The following CDKAL1 variants were observed in gnomAD, a reference collection of about 807,000 sequenced individuals.
CDKAL1 encodes the protein CDKAL1 threonylcarbamoyladenosine tRNA methylthiotransferase, also known as threonylcarbamoyladenosine tRNA methylthiotransferase.
CDKAL1 carries 32 observed loss-of-function variants against 68.2 expected under a neutral mutation model. That is an observed-to-expected ratio of 0.47 (90% confidence interval 0.35 to 0.63). CDKAL1 has a LOEUF of 0.63. Ranked by LOEUF, CDKAL1 falls within the 30% of genes least tolerant of loss-of-function variation. CDKAL1 has a pLI of 0.00. For synonymous variants in CDKAL1, 234 were observed against 244.3 expected, an observed-to-expected ratio of 0.96 and a Z score of 0.39; for missense variants, 606 against 696.7, an observed-to-expected ratio of 0.87 and a Z score of 1.47.
At chr6:20,550,108 A>G (rs1763760248) in intron 4 of CDKAL1, among the ~76,000 whole-genome samples, 1 of 151,886 alleles carries the variant, frequency 6.6e-6, no homozygotes, top group Non-Finnish European at 1.5e-5. Context: ...CCTCCCAAGT[A>G]GCTGGGATTA....
intron 4 of CDKAL1, among the ~76,000 whole-genome samples, chr6:20,573,772 T>C (rs573036911): frequency 6.6e-6 from 1 of 152,272 alleles, no homozygotes; most frequent in East Asian, 1.9e-4. Context: ...TTTGGAAGCA[T>C]TGTACAGAGA....
intron 7 of CDKAL1, among the ~76,000 whole-genome samples, chr6:20,772,083 C>T (rs929484591): frequency 6.6e-6 from 1 of 152,166 alleles, no homozygotes; most frequent in African/African-American, 2.4e-5. Context: ...TTTCCAGCAG[C>T]TTGAGTGCTG....
chr6:20,686,783 G>A (rs1770647914), intron 5 of CDKAL1, among the ~76,000 whole-genome samples: 1 of 152,122 alleles, frequency 6.6e-6, no homozygotes, highest in African/African-American at 2.4e-5. Flanking sequence ...TAGTGGGAAA[G>A]CTTCGAGTTT....
intron 15 of CDKAL1, among the ~76,000 whole-genome samples, chr6:21,228,547 A>G (rs1296860415): frequency 2.0e-5 from 3 of 152,244 alleles, no homozygotes; most frequent in African/African-American, 4.8e-5. Flanking sequence ...TGATCACCAG[A>G]GACATAGATG....
chr6:20,847,301 G>A (rs1778410326), intron 9 of CDKAL1, among the ~76,000 whole-genome samples: 1 of 152,068 alleles, frequency 6.6e-6, no homozygotes, highest in African/African-American at 2.4e-5. Context: ...AAGCCTGGGT[G>A]GTTGTCTTTA....
At chr6:20,941,916 A>G (rs1763990428) in intron 9 of CDKAL1, among the ~76,000 whole-genome samples, 1 of 152,216 alleles carries the variant, frequency 6.6e-6, no homozygotes, top group Non-Finnish European at 1.5e-5. Flanking sequence ...AGTTATTTCA[A>G]AATGACATTC....
chr6:20,660,401 A>G (rs1769231649), intron 5 of CDKAL1, among the ~76,000 whole-genome samples: 1 of 152,224 alleles, frequency 6.6e-6, no homozygotes, highest in Non-Finnish European at 1.5e-5. Context: ...AACGGTTGTA[A>G]GAATGTTCTC....
intron 2 of CDKAL1, among the ~76,000 whole-genome samples, chr6:20,535,995 G>C (rs564536859): frequency 4.9e-4 from 74 of 152,204 alleles, no homozygotes; most frequent in African/African-American, 1.7e-3. Flanking sequence ...GCAGTGGCTC[G>C]ATTACGGCTC....
intron 4 of CDKAL1, among the ~76,000 whole-genome samples, chr6:20,622,193 C>T (rs1436621743): frequency 6.6e-6 from 1 of 151,956 alleles, no homozygotes; most frequent in Non-Finnish European, 1.5e-5. Context: ...TTTAGGTGGA[C>T]TCTATTCACT....
intron 9 of CDKAL1, among the ~76,000 whole-genome samples, chr6:20,909,005 G>A (rs975738585): frequency 3.3e-5 from 5 of 152,204 alleles, no homozygotes; most frequent in Admixed American, 2.0e-4. Flanking sequence ...ATTTTTGAAC[G>A]TTCTGGCTGT....
chr6:20,730,843 CA>C (rs34407999), intron 5 of CDKAL1, among the ~76,000 whole-genome samples: 51,277 of 115,888 alleles, frequency 0.44, 9,910 homozygotes, highest in African/African-American at 0.56. Context: ...GACTCCGTCT[CA>C]AAAAAAAAAA....
chr6:20,678,082 A>T (rs1286579523), intron 5 of CDKAL1, among the ~76,000 whole-genome samples: 3 of 133,764 alleles, frequency 2.2e-5, no homozygotes, highest in East Asian at 2.2e-4. Context: ...CTAGATTAAG[A>T]TCTGTGTTGT....
At chr6:21,133,266 GACAGATACTGTCATCAGT>G (rs1462210626) in intron 13 of CDKAL1, among the ~76,000 whole-genome samples, 1 of 152,200 alleles carries the variant, frequency 6.6e-6, no homozygotes, top group African/African-American at 2.4e-5. Context: ...GGTACTGTTT[GACAGATACTGTCATCAGT>G]ACAAACATTA....
intron 9 of CDKAL1, among the ~76,000 whole-genome samples, chr6:20,937,897 A>G (rs1242598830): frequency 2.0e-5 from 3 of 147,620 alleles, no homozygotes; most frequent in Non-Finnish European, 4.5e-5. Flanking sequence ...TAAGTGTCTT[A>G]TGGGGGAAAT....
chr6:20,547,539 A>G (rs1198482376), intron 3 of CDKAL1, among the ~76,000 whole-genome samples: 1 of 152,268 alleles, frequency 6.6e-6, no homozygotes, highest in East Asian at 1.9e-4. Context: ...ACCAGAAAGG[A>G]TAATGTAATT....
intron 9 of CDKAL1, among the ~76,000 whole-genome samples, chr6:20,874,389 C>T (rs1414300682): frequency 6.6e-6 from 1 of 151,956 alleles, no homozygotes; most frequent in Non-Finnish European, 1.5e-5. Flanking sequence ...TTGCAACTTC[C>T]GCCTCCTGGG....
chr6:21,141,590 T>G (rs1432030350), intron 13 of CDKAL1, among the ~76,000 whole-genome samples: 1 of 152,246 alleles, frequency 6.6e-6, no homozygotes, highest in East Asian at 1.9e-4. Context: ...TTAGTTCATT[T>G]GGCAGATATT....
intron 9 of CDKAL1, among the ~76,000 whole-genome samples, chr6:20,933,836 C>T (rs1055679774): frequency 2.6e-5 from 4 of 151,444 alleles, no homozygotes; most frequent in Admixed American, 2.6e-4. Context: ...AATTTAAGGA[C>T]GTTTTATAGT....
At chr6:20,558,878 C>T (rs1290014092) in intron 4 of CDKAL1, 1 of 300,348 alleles carries the variant, frequency 3.3e-6, no homozygotes, top group African/African-American at 2.2e-5. Flanking sequence ...ATCCACCTGC[C>T]TCGGCCTCCC....
Sources: gnomAD v4.1 joint callset for allele counts (sites outside exome capture counted in the v4.1 genomes callset) on GRCh38, gnomAD v4.1.1 for gene constraint, MANE v1.5 for transcripts, NCBI Gene and HGNC (gene_info 2026-07-23, HGNC 2026-07-21) for gene names.